CAST: variants seen among roughly 807,000 people sequenced by gnomAD.
CAST encodes the protein calpastatin.
In CAST, 76 loss-of-function variants were observed where a neutral mutation model predicts 119.6. That is an observed-to-expected ratio of 0.64 (90% CI 0.53 to 0.77). The LOEUF (loss-of-function observed/expected upper bound fraction) is 0.77. Among genes scored for constraint, CAST ranks in the 30% least tolerant of loss-of-function variants. The probability of loss-of-function intolerance (pLI) is 0.00; values close to 1 mark genes in which losing one functional copy is unlikely to be tolerated. For missense variants in CAST, 953 were observed against 946.5 expected (o/e 1.01, Z -0.09); for synonymous variants, 319 against 331.6 (o/e 0.96, Z 0.41).
intron 1 of CAST, among the ~76,000 whole-genome samples, chr5:96,597,532 A>T (rs1203589843): frequency 6.6e-6 from 1 of 152,172 alleles, no homozygotes; most frequent in Non-Finnish European, 1.5e-5. Flanking sequence ...ATTTAGTCTT[A>T]TATCTCTTTC....
intron 18 of CAST, 79 bp from the exon 19 acceptor site, chr5:96,748,439 A>C (rs1764245402): frequency 1.6e-6 from 1 of 642,928 alleles, no homozygotes; most frequent in Non-Finnish European, 2.7e-6. Flanking sequence ...AATCAGGAAA[A>C]AAATTGCTCC....
chr5:96,286,411 T>C, the CAST span, among the ~76,000 whole-genome samples: 5 of 152,152 alleles, frequency 3.3e-5, no homozygotes, highest in African/African-American at 1.2e-4. Context: ...TTTAGAGAAA[T>C]CTTCCTTCAC....
chr5:95,972,831 T>C, the CAST span, among the ~76,000 whole-genome samples: 1 of 152,208 alleles, frequency 6.6e-6, no homozygotes, highest in Admixed American at 6.5e-5. Flanking sequence ...TCTAAGTGTT[T>C]TACAGTTTTA....
chr5:96,392,767 A>G, the CAST span: 2 of 568,942 alleles, frequency 3.5e-6, no homozygotes, highest in Non-Finnish European at 6.3e-6. Flanking sequence ...AAAACACTTC[A>G]CTTGTGCAGA....
chr5:96,513,762 C>T, the CAST span, among the ~76,000 whole-genome samples: 1 of 152,118 alleles, frequency 6.6e-6, no homozygotes, highest in African/African-American at 2.4e-5. Context: ...TTATTTGTTT[C>T]CTAGGGTTGC....
chr5:96,751,874 C>A (rs1765138255), intron 20 of CAST, among the ~76,000 whole-genome samples: 2 of 152,164 alleles, frequency 1.3e-5, no homozygotes, highest in African/African-American at 4.8e-5. Flanking sequence ...CAAACCAGAA[C>A]AAAACAAAAA....
At chr5:96,361,402 C>T in the CAST span, among the ~76,000 whole-genome samples, 2 of 152,192 alleles carry the variant, frequency 1.3e-5, no homozygotes, top group African/African-American at 2.4e-5. Flanking sequence ...CTGCAGCTAG[C>T]TCAGTGTCTG....
rs926974071 is a variant in CAST, at chr5:96,774,210, T to C, written c.*1594T>C. 6 of 154,016 alleles carry C rather than the reference T, an allele frequency of 3.9e-5. No individual in the cohort carries two copies. The Admixed American group carries it at 3.9e-4, about 10-fold the overall frequency. 9.5% of individuals were successfully genotyped at this position (154,016 alleles called of 1,614,324 possible). A position where few individuals can be genotyped will look rare whatever the true frequency, so the allele number is the denominator to read the frequency against. Reference sequence around the variant, plus strand: ...CCTTGAAACCTTTGACACTGACAGATGTGTTTGCAAGGATACGGCTTCAGT... The same window carrying C: ...CCTTGAAACCTTTGACACTGACAGACGTGTTTGCAAGGATACGGCTTCAGT... On this transcript the variant is annotated 3_prime_UTR_variant, in exon 32 of 32. Transcript: ENST00000675179.
At chr5:96,385,896 CTTG>C in the CAST span, among the ~76,000 whole-genome samples, 1 of 152,070 alleles carries the variant, frequency 6.6e-6, no homozygotes, top group African/African-American at 2.4e-5. Context: ...CCTTTTTTGT[CTTG>C]CTAATATAAG....
chr5:96,242,452 G>C, the CAST span, among the ~76,000 whole-genome samples: 1 of 152,112 alleles, frequency 6.6e-6, no homozygotes, highest in Non-Finnish European at 1.5e-5. Context: ...TTTAAATGCT[G>C]ATGATCACCC....
At chr5:96,269,174 A>G in the CAST span, among the ~76,000 whole-genome samples, 1 of 152,176 alleles carries the variant, frequency 6.6e-6, no homozygotes, top group South Asian at 2.1e-4. Flanking sequence ...ATGAAAATGG[A>G]CTAATACATA....
At chr5:96,067,985 A>G in the CAST span, among the ~76,000 whole-genome samples, 1 of 152,156 alleles carries the variant, frequency 6.6e-6, no homozygotes, top group Non-Finnish European at 1.5e-5. Context: ...AGCAGCTGAC[A>G]GGCCACTCTA....
the CAST span, among the ~76,000 whole-genome samples, chr5:96,405,566 G>C: frequency 3.9e-5 from 6 of 152,292 alleles, no homozygotes; most frequent in African/African-American, 1.4e-4. Context: ...AGCTACTCAG[G>C]AGGCTGAGGC....
the CAST span, among the ~76,000 whole-genome samples, chr5:96,295,017 G>A: frequency 3.3e-5 from 5 of 152,258 alleles, no homozygotes; most frequent in East Asian, 9.6e-4. Context: ...CCAATGTTGT[G>A]TTTCTCTATC....
the CAST span, among the ~76,000 whole-genome samples, chr5:96,367,294 C>A: frequency 9.7e-6 from 1 of 103,500 alleles, no homozygotes; most frequent in African/African-American, 3.8e-5. Context: ...AGGGGGCAGT[C>A]TGTCCATTCT....
At chr5:96,135,090 G>C in the CAST span, among the ~76,000 whole-genome samples, 1 of 152,174 alleles carries the variant, frequency 6.6e-6, no homozygotes, top group African/African-American at 2.4e-5. Context: ...CCTATTGAGA[G>C]TGGGTGGTAC....
chr5:96,414,052 T>G, the CAST span, among the ~76,000 whole-genome samples: 1 of 142,094 alleles, frequency 7.0e-6, no homozygotes, highest in Non-Finnish European at 1.5e-5. Context: ...GGCAGGAGAA[T>G]GGCATGAACC....
At chr5:96,510,433 CA>C in the CAST span, among the ~76,000 whole-genome samples, 3 of 152,148 alleles carry the variant, frequency 2.0e-5, no homozygotes, top group Admixed American at 6.5e-5. Context: ...ATTATTGTAG[CA>C]GGGTGAGAAT....
chr5:96,283,113 G>C, the CAST span, among the ~76,000 whole-genome samples: 4 of 129,916 alleles, frequency 3.1e-5, no homozygotes, highest in Admixed American at 8.4e-5. Context: ...CTGGGCCACA[G>C]AGCGAGACTC....
Sources: gnomAD v4.1 joint callset for allele counts (sites outside exome capture counted in the v4.1 genomes callset) on GRCh38, gnomAD v4.1.1 for gene constraint, MANE v1.5 for transcripts, NCBI Gene and HGNC (gene_info 2026-07-23, HGNC 2026-07-21) for gene names.